The following CAMSAP2 variants were observed in gnomAD, a reference collection of about 807,000 sequenced individuals.
CAMSAP2 encodes calmodulin regulated spectrin associated protein family member 2, also known as calmodulin-regulated spectrin-associated protein 2.
CAMSAP2 carries 26 observed loss-of-function variants against 146.1 expected under a neutral mutation model. The observed-to-expected ratio is 0.18, with a 90% CI of 0.13 to 0.25. CAMSAP2 has a LOEUF of 0.25. CAMSAP2 is among the 10% of genes least tolerant of loss of function. CAMSAP2 has a pLI of 1.00. For synonymous variants in CAMSAP2, 499 were observed against 596.6 expected, an observed-to-expected ratio of 0.84 and a Z score of 2.38; for missense variants, 1,381 against 1,759.3, an observed-to-expected ratio of 0.78 and a Z score of 3.85.
Position 200,853,905 on chromosome 1 carries a change from T to A in CAMSAP2, c.3823+410T>A, listed in dbSNP as rs1462484889. Among the ~76,000 whole-genome samples the A allele has an allele frequency of 6.6e-6, 1 of 152,210 alleles. No individual in the cohort carries two copies. The highest frequency in any genetic ancestry group is 1.5e-5 in the Non-Finnish European group (1 of 68,028). ...AGTCCCTCCTTCAAGATAGAAATGGTTGAAAATCCAAACTTATAATATCTG... is the reference window on the plus strand; with the variant it reads ...AGTCCCTCCTTCAAGATAGAAATGGATGAAAATCCAAACTTATAATATCTG... On this transcript the variant is annotated intron_variant, in intron 13 of 16. Transcript: ENST00000358823. The surrounding 1 kb of genome is among the most constrained non-coding windows in gnomAD (Gnocchi z 5.1).
Position 200,739,550 on chromosome 1 carries a change from G to A in CAMSAP2, c.-278G>A, listed in dbSNP as rs1664083373. On this transcript the variant is annotated 5_prime_UTR_variant, in exon 1 of 17. Transcript: ENST00000358823. This position sits in a 1 kb window ranked among gnomAD's most constrained non-coding sequence, Gnocchi z 4.8. ...CTCGCGGGGCGGGTGGCTCGGAGGGGCGCGGGCACGGGGCGGACCTCGCGC... is the reference window on the plus strand; with the variant it reads ...CTCGCGGGGCGGGTGGCTCGGAGGGACGCGGGCACGGGGCGGACCTCGCGC... 5.6e-6 allele frequency: 1 copy of A among 178,374 alleles called. No individual in the cohort carries two copies. Among genetic ancestry groups the A allele is most frequent in the Non-Finnish European group, 1.2e-5 (1 of 86,334 alleles). The allele number at this position is 178,374 out of a possible 1,614,324, so 11.0% of individuals were successfully genotyped here.
At chr1:200,800,075 G>C (rs2102124915) in intron 2 of CAMSAP2, among the ~76,000 whole-genome samples, 1 of 152,266 alleles carries the variant, frequency 6.6e-6, no homozygotes, top group East Asian at 1.9e-4. Context: ...GCTGAGGAGT[G>C]TTTTACTTCC....
chr1:200,857,299 A>G lies in CAMSAP2; in HGVS notation c.4013-7A>G. ...TTTTTATTATTGTTGTTAAATCCCTACCATAGGACCAAAGCTCTACAAAGA... is the reference window on the plus strand; with the variant it reads ...TTTTTATTATTGTTGTTAAATCCCTGCCATAGGACCAAAGCTCTACAAAGA... On this transcript the variant is annotated splice_polypyrimidine_tract_variant and splice_region_variant and intron_variant, in intron 15 of 16. Coordinates refer to ENST00000358823, the MANE Select transcript of CAMSAP2 (RefSeq NM_203459.4). The surrounding 1 kb of genome is among the most constrained non-coding windows in gnomAD (Gnocchi z 4.7). The G allele has an allele frequency of 6.5e-7, 1 of 1,543,818 alleles. No individual in the cohort carries two copies. The highest frequency in any genetic ancestry group is 1.7e-5 in the Admixed American group (1 of 58,800).
intron 2 of CAMSAP2, among the ~76,000 whole-genome samples, chr1:200,788,580 T>C (rs1358578682): frequency 6.6e-6 from 1 of 152,158 alleles, no homozygotes; most frequent in Admixed American, 6.5e-5. Context: ...ATTTAGACGT[T>C]CTAATAGGTT....
At chr1:200,830,641 C>G (rs1190832680) in intron 4 of CAMSAP2, among the ~76,000 whole-genome samples, 1 of 152,160 alleles carries the variant, frequency 6.6e-6, no homozygotes, top group African/African-American at 2.4e-5. Context: ...TTCTTCCTTC[C>G]TCTTCCCTCC....
chr1:200,792,384 C>T (rs901322535), intron 2 of CAMSAP2, among the ~76,000 whole-genome samples: 3 of 152,160 alleles, frequency 2.0e-5, no homozygotes, highest in South Asian at 4.1e-4. Flanking sequence ...CAATCCCAGC[C>T]GGGCGCAGTG....
intron 2 of CAMSAP2, among the ~76,000 whole-genome samples, chr1:200,772,192 A>G (rs1665134521): frequency 6.6e-6 from 1 of 152,228 alleles, no homozygotes; most frequent in South Asian, 2.1e-4. Context: ...TTACAGAAAC[A>G]AAAGTACTTA....
At chr1:200,754,347 T>G (rs1341706096) in intron 1 of CAMSAP2, among the ~76,000 whole-genome samples, 2 of 152,272 alleles carry the variant, frequency 1.3e-5, no homozygotes, top group Middle Eastern at 3.4e-3. Context: ...TTAACTTTGA[T>G]CACCTGGTCA....
intron 7 of CAMSAP2, among the ~76,000 whole-genome samples, chr1:200,842,862 G>A (rs1276885542): frequency 6.6e-6 from 1 of 151,782 alleles, no homozygotes; most frequent in East Asian, 1.9e-4. Flanking sequence ...TGTAATTCCA[G>A]CTACTCGGGA....
chr1:200,791,133 C>G (rs1665740884), intron 2 of CAMSAP2, among the ~76,000 whole-genome samples: 1 of 152,234 alleles, frequency 6.6e-6, no homozygotes, highest in Admixed American at 6.5e-5. Flanking sequence ...GCGTGAGCCA[C>G]TGCATCCGGC....
chr1:200,774,746 T>C (rs1269314000), intron 2 of CAMSAP2, among the ~76,000 whole-genome samples: 4 of 152,178 alleles, frequency 2.6e-5, no homozygotes, highest in African/African-American at 9.6e-5. Flanking sequence ...AGGGAATAAA[T>C]ACGAAGACCC....
chr1:200,774,378 A>G (rs1311087219), intron 2 of CAMSAP2, among the ~76,000 whole-genome samples: 3 of 152,100 alleles, frequency 2.0e-5, no homozygotes, highest in Non-Finnish European at 2.9e-5. Context: ...AAACAGTGTT[A>G]GAATGAGCTG....
At position 200,854,798 on chromosome 1, in the gene CAMSAP2, A is replaced by ATTTATCGTGTTT; in HGVS notation, c.3824-15_3824-4dup. ...ATTTTGTTTTTATTCAGGATCATGA[A>ATTTATCGTGTTT]TTTATCGTGTTTTTTCAGTCTCTAG... On this transcript the variant is annotated intron_variant, in intron 13 of 16. Transcript: ENST00000358823. 1 of 1,600,304 alleles carries ATTTATCGTGTTT rather than the reference A, an allele frequency of 6.2e-7. No individual in the cohort carries two copies. The highest frequency in any genetic ancestry group is 8.5e-7 in the Non-Finnish European group (1 of 1,172,396).
intron 2 of CAMSAP2, among the ~76,000 whole-genome samples, chr1:200,792,405 G>A (rs187929502): frequency 2.8e-3 from 426 of 152,356 alleles, no homozygotes; most frequent in African/African-American, 9.4e-3. Context: ...GCTCAAGCCT[G>A]TAATCCCAGC....
At chr1:200,839,535 A>G (rs1214632746) in intron 6 of CAMSAP2, among the ~76,000 whole-genome samples, 5 of 152,228 alleles carry the variant, frequency 3.3e-5, no homozygotes, top group Non-Finnish European at 5.9e-5. Flanking sequence ...GATTAAGAAT[A>G]TAATGGCATT....
chr1:200,767,766 TTTC>T (rs138501526), intron 2 of CAMSAP2, among the ~76,000 whole-genome samples: 425 of 152,288 alleles, frequency 2.8e-3, no homozygotes, highest in African/African-American at 9.4e-3. Context: ...TGAACAGGGT[TTTC>T]TTCTTCATGC....
At chr1:200,748,973 G>A (rs1257935664) in intron 1 of CAMSAP2, among the ~76,000 whole-genome samples, 3 of 152,054 alleles carry the variant, frequency 2.0e-5, no homozygotes, top group Non-Finnish European at 2.9e-5. Flanking sequence ...ACAAAAACTA[G>A]CCTAGAGGTC....
chr1:200,838,405 A>G (rs1279235109), intron 6 of CAMSAP2, among the ~76,000 whole-genome samples: 2 of 152,310 alleles, frequency 1.3e-5, no homozygotes, highest in South Asian at 4.1e-4. Flanking sequence ...GAAGAAATAT[A>G]AATCACAATA....
At position 200,848,170 on chromosome 1, in the gene CAMSAP2, C is replaced by A; in HGVS notation, c.1401C>A (p.His467Gln). Reference sequence around the variant, plus strand: ...TGAACAACAGTCATGTATCTAAACACATTAGGAAAAATTTGTCCTTCAAGC... The same window carrying A: ...TGAACAACAGTCATGTATCTAAACAAATTAGGAAAAATTTGTCCTTCAAGC... ...LTLNNSHVSK[H>Q]IRKNLSFKPI... The change falls in exon 11 of 17, where the codon CAC becomes CAA. Residue 467 changes from histidine (H) to glutamine (Q), a missense_variant. Coordinates refer to ENST00000358823, the MANE Select transcript of CAMSAP2 (RefSeq NM_203459.4). 3.1e-6 allele frequency: 5 copies of A among 1,613,782 alleles called. No homozygotes were observed. The highest frequency in any genetic ancestry group is 4.2e-6 in the Non-Finnish European group (5 of 1,179,828).
Sources: gnomAD v4.1 joint callset for allele counts (sites outside exome capture counted in the v4.1 genomes callset) on GRCh38, gnomAD v4.1.1 for gene constraint, Gnocchi (gnomAD v3.1) non-coding constraint, MANE v1.5 for transcripts, NCBI Gene and HGNC (gene_info 2026-07-23, HGNC 2026-07-21) for gene names.